Variants in WASF3 observed in about 807,000 individuals in gnomAD.
WASF3 encodes the protein WASP family member 3, also known as actin-binding protein WASF3.
A neutral mutation model predicts 46.6 loss-of-function variants in WASF3; 11 were observed. That is an observed-to-expected ratio of 0.24 (90% CI 0.15 to 0.39). WASF3 has a LOEUF of 0.39. Among genes scored for constraint, WASF3 ranks in the 10% least tolerant of loss-of-function variants. WASF3 has a pLI of 1.00. For synonymous variants in WASF3, 242 were observed against 259.7 expected, an observed-to-expected ratio of 0.93 and a Z score of 0.65; for missense variants, 576 against 669.8, an observed-to-expected ratio of 0.86 and a Z score of 1.55.
intron 9 of WASF3, among the ~76,000 whole-genome samples, chr13:26,685,362 A>G (rs1291419595): frequency 6.6e-6 from 1 of 152,160 alleles, no homozygotes; most frequent in African/African-American, 2.4e-5. Flanking sequence ...ATGTCAGTTC[A>G]TGCTTTTAAG....
At chr13:26,674,365 G>A (rs1449689201) in intron 6 of WASF3, among the ~76,000 whole-genome samples, 6 of 152,166 alleles carry the variant, frequency 3.9e-5, no homozygotes, top group South Asian at 2.1e-4. Context: ...TTCTTAATCA[G>A]GATGCATATT....
At chr13:26,618,608 C>CAT (rs1370054003) in intron 2 of WASF3, among the ~76,000 whole-genome samples, 1 of 151,942 alleles carries the variant, frequency 6.6e-6, no homozygotes, top group Non-Finnish European at 1.5e-5. Flanking sequence ...GAGGACACTC[C>CAT]ATATATATAT....
In WASF3 at chr13:26,682,680, C is replaced by A; in HGVS notation, c.1057C>A (p.Pro353Thr). Reference protein sequence around the residue: ...PPPPPPPPVIPSAQTAFVSPL... With the variant: ...PPPPPPPPVITSAQTAFVSPL... Reference sequence around the variant, plus strand: ...TCCTCCGCCACCTCCTCCTGTGATTCCCTCAGCACAAACTGCCTTCGTCAG... The same window carrying A: ...TCCTCCGCCACCTCCTCCTGTGATTACCTCAGCACAAACTGCCTTCGTCAG... The change falls in exon 9 of 10, where the codon CCC becomes ACC. Residue 353 changes from proline (P) to threonine (T), a missense_variant. Pro to Thr is a conservative substitution (Grantham distance 38). Transcript: ENST00000335327. This position sits in a 1 kb window ranked among gnomAD's most constrained non-coding sequence, Gnocchi z 4.4. 1 of 1,614,130 alleles carries A rather than the reference C, an allele frequency of 6.2e-7. No individual in the cohort carries two copies. The highest frequency in any genetic ancestry group is 8.5e-7 in the Non-Finnish European group (1 of 1,180,024).
chr13:26,675,487 CACACACACACA>C (rs1883039351), intron 6 of WASF3, among the ~76,000 whole-genome samples: 2 of 22,596 alleles, frequency 8.9e-5, no homozygotes, highest in Non-Finnish European at 1.8e-4. Context: ...CACATACACA[CACACACACACA>C]CACACACACA....
intron 2 of WASF3, among the ~76,000 whole-genome samples, chr13:26,626,963 C>T (rs886150044): frequency 1.3e-5 from 2 of 152,122 alleles, no homozygotes; most frequent in African/African-American, 2.4e-5. Flanking sequence ...AAGTAAAATT[C>T]GCTACCCAGT....
chr13:26,546,260 T>C, the WASF3 span, among the ~76,000 whole-genome samples: 1 of 152,204 alleles, frequency 6.6e-6, no homozygotes, highest in Non-Finnish European at 1.5e-5. Flanking sequence ...TTGAAGCAAA[T>C]ATCTCAGATA....
chr13:26,545,626 G>C, the WASF3 span, among the ~76,000 whole-genome samples: 1 of 152,064 alleles, frequency 6.6e-6, no homozygotes, highest in East Asian at 1.9e-4. Context: ...TTTTTTTAGA[G>C]ACATGGCTTC....
At chr13:26,621,048 T>A (rs1198462252) in intron 2 of WASF3, among the ~76,000 whole-genome samples, 1 of 152,170 alleles carries the variant, frequency 6.6e-6, no homozygotes, top group African/African-American at 2.4e-5. Context: ...CTCAAACGTC[T>A]GTTGAATAGC....
At chr13:26,556,503 C>T (rs1181223990), upstream of WASF3, among the ~76,000 whole-genome samples, 1 of 152,136 alleles carries the variant, frequency 6.6e-6, no homozygotes. Context: ...TAATTACCAG[C>T]AATTTTTTAA....
rs563154945 is a variant in WASF3 at position 26,682,187 on chromosome 13, T to C, written c.984-420T>C. On this transcript the variant is annotated intron_variant, in intron 8 of 9. Transcript: ENST00000335327. This position sits in a 1 kb window ranked among gnomAD's most constrained non-coding sequence, Gnocchi z 4.4. ...ACCTGGGCACTGCAGGCATGGGGCA[T>C]TTCCACGGAGGTGGGTTAGAGAATG... is the stretch of plus-strand genomic sequence containing the variant. Among the ~76,000 whole-genome samples the C allele has an allele frequency of 2.0e-5, 3 of 152,192 alleles. No homozygotes were observed. Among genetic ancestry groups the C allele is most frequent in the African/African-American group, 7.2e-5 (3 of 41,442 alleles).
Position 26,676,565 on chromosome 13 carries a change from A to T in WASF3, c.557A>T (p.Asp186Val). 6.2e-7 allele frequency: 1 copy of T among 1,614,088 alleles called. No individual in the cohort carries two copies. Among genetic ancestry groups the T allele is most frequent in the Non-Finnish European group, 8.5e-7 (1 of 1,179,986 alleles). The change falls in exon 7 of 10, where the codon GAT becomes GTT. Residue 186 changes from aspartate (D) to valine (V), a missense_variant. Transcript: ENST00000335327. ...KRRQKEQKRI[D>V]GTTREVKKVR... ...GGACATCAGGAGCAAAAGCGTATAG[A>T]TGGCACCACCCGTGAGGTGAAAAAG...
intron 3 of WASF3, among the ~76,000 whole-genome samples, chr13:26,663,010 T>G (rs940605092): frequency 6.6e-6 from 1 of 152,078 alleles, no homozygotes; most frequent in African/African-American, 2.4e-5. Flanking sequence ...ATGCATGGGT[T>G]CGGGGGTGGG....
chr13:26,629,198 C>T (rs777808465), intron 2 of WASF3, among the ~76,000 whole-genome samples: 1 of 152,184 alleles, frequency 6.6e-6, no homozygotes, highest in African/African-American at 2.4e-5. Context: ...CGGATTTTGC[C>T]TGCTTTGTGT....
chr13:26,588,963 AT>A (rs1212876205), intron 1 of WASF3, among the ~76,000 whole-genome samples: 7 of 148,578 alleles, frequency 4.7e-5, no homozygotes, highest in South Asian at 2.1e-4. Flanking sequence ...ACACCCAGCT[AT>A]TTTTTTTTTG....
At chr13:26,627,178 G>A (rs1274385848) in intron 2 of WASF3, among the ~76,000 whole-genome samples, 4 of 152,154 alleles carry the variant, frequency 2.6e-5, no homozygotes, top group South Asian at 4.2e-4. Context: ...TTAATTGCAT[G>A]AGAAATAAAA....
chr13:26,549,068 G>T, the WASF3 span, among the ~76,000 whole-genome samples: 5 of 150,082 alleles, frequency 3.3e-5, no homozygotes, highest in Admixed American at 3.3e-4. Context: ...TGCAACCTCC[G>T]ACTCCCTGGT....
the WASF3 span, among the ~76,000 whole-genome samples, chr13:26,550,754 C>A: frequency 2.0e-5 from 3 of 152,132 alleles, no homozygotes; most frequent in African/African-American, 7.2e-5. Context: ...CCTTCCCCAC[C>A]CCAGCAAGGC....
rs1882026205 is a variant in WASF3, at chr13:26,642,412, T to G, written c.133+9T>G. The G allele has an allele frequency of 6.4e-7, 1 of 1,572,100 alleles. No individual in the cohort carries two copies. Among genetic ancestry groups the G allele is most frequent in the African/African-American group, 1.4e-5 (1 of 72,296 alleles). ...CCAGCTGAGCAGTCTGAGTAAGCCA[T>G]CTTTTTTCTGATTACCAATGACATT... On this transcript the variant is annotated intron_variant, in intron 3 of 9. Transcript: ENST00000335327.
chr13:26,628,949 C>T (rs1881564386), intron 2 of WASF3, among the ~76,000 whole-genome samples: 1 of 152,216 alleles, frequency 6.6e-6, no homozygotes, highest in South Asian at 2.1e-4. Flanking sequence ...TGGAGTATGA[C>T]CATCCTTTCA....
Sources: allele counts gnomAD v4.1 joint callset (sites outside exome capture counted in the v4.1 genomes callset), GRCh38; gene constraint gnomAD v4.1.1; non-coding constraint Gnocchi (gnomAD v3.1); transcripts MANE v1.5; gene names NCBI Gene and HGNC (gene_info 2026-07-23, HGNC 2026-07-21).